The following RHBDD1 variants were observed in gnomAD, a reference collection of about 807,000 sequenced individuals.
RHBDD1 encodes the protein rhomboid-related protein 4.
RHBDD1 carries 38 observed loss-of-function variants against 36.3 expected under a neutral mutation model. That is an observed-to-expected ratio of 1.05 (90% CI 0.81 to 1.37). The LOEUF (loss-of-function observed/expected upper bound fraction) is 1.37. Among genes scored for constraint, RHBDD1 ranks in the 40% most tolerant of loss-of-function variants. The probability of loss-of-function intolerance (pLI) is 0.00; values close to 1 mark genes in which losing one functional copy is unlikely to be tolerated. For missense variants in RHBDD1, 393 were observed against 377.6 expected, an observed-to-expected ratio of 1.04 and a Z score of -0.34; for synonymous variants, 151 against 136.5, an observed-to-expected ratio of 1.11 and a Z score of -0.74.
At chr2:226,849,951 C>G (rs1404811790) in intron 3 of RHBDD1, among the ~76,000 whole-genome samples, 1 of 152,168 alleles carries the variant, frequency 6.6e-6, no homozygotes, top group Admixed American at 6.5e-5. Flanking sequence ...TCTTGCTTCC[C>G]TATTCCCCAG....
At chr2:226,988,475 G>A in intron 8 of RHBDD1, 1 of 1,545,420 alleles carries the variant, frequency 6.5e-7, no homozygotes, top group Non-Finnish European at 8.7e-7. Flanking sequence ...CAGGGTCCCT[G>A]TAGTGGAGTT....
At chr2:226,972,327 A>G (rs1953698318) in intron 8 of RHBDD1, among the ~76,000 whole-genome samples, 1 of 152,152 alleles carries the variant, frequency 6.6e-6, no homozygotes, top group South Asian at 2.1e-4. Flanking sequence ...CCAGTCAATC[A>G]TTGATGGAAA....
chr2:226,909,264 C>G (rs1047157933), intron 7 of RHBDD1, among the ~76,000 whole-genome samples: 6 of 152,092 alleles, frequency 3.9e-5, no homozygotes, highest in African/African-American at 1.4e-4. Flanking sequence ...ATTCAGGAAC[C>G]CTTGCATACC....
intron 5 of RHBDD1, among the ~76,000 whole-genome samples, chr2:226,899,227 ACTGT>A (rs1324348722): frequency 9.2e-5 from 14 of 152,190 alleles, no homozygotes; most frequent in Non-Finnish European, 1.0e-4. Context: ...GGGAAAGAAC[ACTGT>A]CTGTTGGTGT....
the RHBDD1 span, among the ~76,000 whole-genome samples, chr2:226,816,726 T>C: frequency 6.6e-6 from 1 of 152,090 alleles, no homozygotes; most frequent in African/African-American, 2.4e-5. Flanking sequence ...TAAAACCCTG[T>C]CTCTACTAAA....
At chr2:226,824,826 C>G in the RHBDD1 span, among the ~76,000 whole-genome samples, 1 of 152,100 alleles carries the variant, frequency 6.6e-6, no homozygotes, top group Non-Finnish European at 1.5e-5. Flanking sequence ...GATGTAAAGG[C>G]CTTTTTGAAG....
chr2:226,949,838 T>C (rs1951295602), intron 8 of RHBDD1, among the ~76,000 whole-genome samples: 1 of 152,156 alleles, frequency 6.6e-6, no homozygotes, highest in Admixed American at 6.5e-5. Context: ...GCACGTGTCC[T>C]TGGTGTCTCT....
chr2:226,961,268 G>A (rs964399214), intron 8 of RHBDD1, among the ~76,000 whole-genome samples: 10 of 152,052 alleles, frequency 6.6e-5, no homozygotes, highest in South Asian at 2.1e-4. Context: ...TACCCTCCTC[G>A]TGGGGCAGCT....
chr2:226,978,512 G>T (rs1463328227), intron 8 of RHBDD1, among the ~76,000 whole-genome samples: 1 of 152,118 alleles, frequency 6.6e-6, no homozygotes, highest in African/African-American at 2.4e-5. Flanking sequence ...CCTACGTCGA[G>T]CCTCAGTCTT....
chr2:226,866,889 C>T (rs914884343), intron 4 of RHBDD1, among the ~76,000 whole-genome samples: 2 of 152,084 alleles, frequency 1.3e-5, no homozygotes, highest in Non-Finnish European at 1.5e-5. Flanking sequence ...TTTTGTAGTG[C>T]ACAGTTCACT....
At chr2:226,929,157 G>A (rs149244612) in intron 8 of RHBDD1, among the ~76,000 whole-genome samples, 131 of 151,976 alleles carry the variant, frequency 8.6e-4, no homozygotes, top group African/African-American at 2.8e-3. Flanking sequence ...CTATGAAGCC[G>A]GTATCACCAT....
chr2:226,911,171 A>G (rs921183928), intron 7 of RHBDD1, among the ~76,000 whole-genome samples: 4 of 152,152 alleles, frequency 2.6e-5, no homozygotes, highest in Admixed American at 1.3e-4. Context: ...TACAGTTTCT[A>G]TGTGGTGAGC....
At chr2:226,904,449 G>A (rs1183489610) in intron 5 of RHBDD1, among the ~76,000 whole-genome samples, 1 of 146,974 alleles carries the variant, frequency 6.8e-6, no homozygotes, top group East Asian at 2.0e-4. Flanking sequence ...TCCTGTTTCA[G>A]TAGATATATC....
the RHBDD1 span, among the ~76,000 whole-genome samples, chr2:226,829,286 T>C: frequency 6.6e-6 from 1 of 152,224 alleles, no homozygotes; most frequent in South Asian, 2.1e-4. Flanking sequence ...TATAACACAT[T>C]TTGAAATTAA....
intron 8 of RHBDD1, among the ~76,000 whole-genome samples, chr2:226,953,306 T>C (rs1419041957): frequency 6.6e-6 from 1 of 152,228 alleles, no homozygotes; most frequent in African/African-American, 2.4e-5. Context: ...GGTGTGGTTG[T>C]GCCATTTAAG....
the RHBDD1 span, among the ~76,000 whole-genome samples, chr2:226,807,777 T>C: frequency 6.6e-6 from 1 of 152,150 alleles, no homozygotes; most frequent in Non-Finnish European, 1.5e-5. Context: ...TGGTATATAA[T>C]ACAGCAGTGA....
At chr2:226,849,775 A>G (rs576688345) in intron 3 of RHBDD1, among the ~76,000 whole-genome samples, 21 of 152,276 alleles carry the variant, frequency 1.4e-4, no homozygotes, top group Middle Eastern at 3.4e-3. Context: ...ATCTATATCT[A>G]TATATCTATA....
chr2:226,974,898 C>G (rs1441959481), intron 8 of RHBDD1, among the ~76,000 whole-genome samples: 1 of 152,146 alleles, frequency 6.6e-6, no homozygotes, highest in Non-Finnish European at 1.5e-5. Flanking sequence ...TCTTGGTGCT[C>G]CCATTACCAT....
At chr2:226,853,322 G>T (rs1471017693) in intron 3 of RHBDD1, among the ~76,000 whole-genome samples, 1 of 152,212 alleles carries the variant, frequency 6.6e-6, no homozygotes, top group African/African-American at 2.4e-5. Context: ...TTCCTGGCAT[G>T]CCTCTAGATC....
Sources: allele counts gnomAD v4.1 joint callset (sites outside exome capture counted in the v4.1 genomes callset), GRCh38; gene constraint gnomAD v4.1.1; transcripts MANE v1.5; gene names NCBI Gene and HGNC (gene_info 2026-07-23, HGNC 2026-07-21).